The following PCDH15 variants were observed in gnomAD, a reference collection of about 807,000 sequenced individuals.
The protein encoded by PCDH15 is protocadherin related 15.
Under a neutral mutation model 178.5 loss-of-function variants are expected in PCDH15, and 129 were observed. The ratio of observed to expected loss-of-function variants is 0.72; its 90% confidence interval spans 0.63 to 0.84. The LOEUF (loss-of-function observed/expected upper bound fraction) is 0.84, where lower values mean the gene tolerates loss of function less well. Among genes scored for constraint, PCDH15 ranks in the 40% least tolerant of loss-of-function variants. PCDH15 has a pLI of 0.00. For synonymous variants in PCDH15, 800 were observed against 732.0 expected (o/e 1.09, Z -1.50); for missense variants, 2,230 against 2,099.9 (o/e 1.06, Z -1.21).
At chr10:54,738,952 C>T (rs10825389) in intron 1 of PCDH15, among the ~76,000 whole-genome samples, 53,221 of 151,810 alleles carry the variant, frequency 0.35, 9,683 homozygotes, top group Middle Eastern at 0.46. Context: ...CCACAGCTAA[C>T]ATAATACTGA....
intron 2 of PCDH15, among the ~76,000 whole-genome samples, chr10:55,516,964 G>C (rs1050854467): frequency 6.6e-6 from 1 of 151,936 alleles, no homozygotes; most frequent in Non-Finnish European, 1.5e-5. Context: ...ACACTAAAAA[G>C]TTAATGATTT....
chr10:55,503,832 G>C (rs1370218066), intron 2 of PCDH15, among the ~76,000 whole-genome samples: 1 of 151,314 alleles, frequency 6.6e-6, no homozygotes, highest in Non-Finnish European at 1.5e-5. Flanking sequence ...AGCCATGTTG[G>C]AGATTCTCTG....
At chr10:55,038,800 A>G (rs1840798096) in intron 2 of PCDH15, among the ~76,000 whole-genome samples, 1 of 152,188 alleles carries the variant, frequency 6.6e-6, no homozygotes, top group Non-Finnish European at 1.5e-5. Flanking sequence ...CAAGGCTGGA[A>G]GCAGGAATTA....
In PCDH15 at chr10:55,030,305, TCATA is replaced by T. The variant is rs752280333; in HGVS notation, c.-79-132809_-79-132806del. Among the ~76,000 whole-genome samples, 65 of 152,302 alleles carry T rather than the reference TCATA, an allele frequency of 4.3e-4. No homozygotes were observed. The Middle Eastern group carries it at 0.01, about 24-fold the overall frequency. ...TAACACATGCCAGAGGGCTGAGGAA[TCATA>T]CAGAGAGCACGAGTCTCAGTTTCCT... On this transcript the variant is annotated intron_variant, in intron 2 of 5. Transcript: ENST00000458638.
At chr10:55,244,830 C>A (rs1841644335) in intron 1 of PCDH15, among the ~76,000 whole-genome samples, 1 of 151,160 alleles carries the variant, frequency 6.6e-6, no homozygotes, top group Non-Finnish European at 1.5e-5. Context: ...GCAGCCATTT[C>A]ATTGAAAAAG....
At position 55,429,762 on chromosome 10, in the gene PCDH15, AG is replaced by A. The variant is rs1382331545; in HGVS notation, c.-156+197862del. On this transcript the variant is annotated intron_variant, in intron 2 of 5. Transcript: ENST00000613346. ...TAGCTACAGTTTAATATGAAACATT[AG>A]GAACTTGGACTGTTAACACTTTTAG... Among the ~76,000 whole-genome samples, 9 of 152,172 alleles carry A rather than the reference AG, an allele frequency of 5.9e-5. 1 individual carries two copies. Among genetic ancestry groups the A allele is most frequent in the Non-Finnish European group, 1.3e-4 (9 of 68,006 alleles).
intron 2 of PCDH15, among the ~76,000 whole-genome samples, chr10:55,138,169 G>A (rs1455401096): frequency 6.6e-6 from 1 of 152,076 alleles, no homozygotes; most frequent in Non-Finnish European, 1.5e-5. Flanking sequence ...AAACATATAA[G>A]ACAATCAGTT....
chr10:53,891,186 C>G (rs2133482387), intron 26 of PCDH15, among the ~76,000 whole-genome samples: 1 of 152,234 alleles, frequency 6.6e-6, no homozygotes, highest in East Asian at 1.9e-4. Context: ...CATCTTCAGA[C>G]AAAAGTAATT....
At chr10:54,882,596 T>C (rs1954284002) in intron 3 of PCDH15, among the ~76,000 whole-genome samples, 1 of 152,102 alleles carries the variant, frequency 6.6e-6, no homozygotes, top group Non-Finnish European at 1.5e-5. Context: ...TTCTTTCTAA[T>C]AATATGTTAT....
At chr10:55,313,423 A>G (rs1197867770) in intron 1 of PCDH15, among the ~76,000 whole-genome samples, 8 of 152,204 alleles carry the variant, frequency 5.3e-5, no homozygotes, top group Non-Finnish European at 1.5e-5. Flanking sequence ...TAAAAGTGCA[A>G]CTGTGGAGAA....
chr10:54,946,312 A>G (rs1838199161), intron 2 of PCDH15, among the ~76,000 whole-genome samples: 1 of 151,692 alleles, frequency 6.6e-6, no homozygotes, highest in Non-Finnish European at 1.5e-5. Context: ...ACATTTTATT[A>G]TCTGCTCATT....
intron 2 of PCDH15, among the ~76,000 whole-genome samples, chr10:54,982,631 C>G (rs1282360105): frequency 1.3e-5 from 2 of 151,998 alleles, no homozygotes; most frequent in Non-Finnish European, 2.9e-5. Flanking sequence ...ATGATAAATA[C>G]ATTACACAAA....
At chr10:54,515,990 C>T (rs1041716331) in intron 3 of PCDH15, among the ~76,000 whole-genome samples, 1 of 152,178 alleles carries the variant, frequency 6.6e-6, no homozygotes, top group Non-Finnish European at 1.5e-5. Context: ...ACCAAAAATC[C>T]ATCCGTACAT....
intron 27 of PCDH15, among the ~76,000 whole-genome samples, chr10:53,864,083 G>C (rs1331558036): frequency 6.6e-6 from 1 of 152,136 alleles, no homozygotes; most frequent in East Asian, 1.9e-4. Context: ...CAAAGCAAAA[G>C]CTCATTTGGA....
intron 2 of PCDH15, among the ~76,000 whole-genome samples, chr10:55,480,043 A>G (rs1306120656): frequency 6.6e-6 from 1 of 151,572 alleles, no homozygotes; most frequent in Non-Finnish European, 1.5e-5. Context: ...AAGAATGTCA[A>G]TGGTAGTTTA....
chr10:54,062,227 CAAAAAAAAAA>C (rs72361686), intron 18 of PCDH15, among the ~76,000 whole-genome samples: 567 of 53,862 alleles, frequency 0.011, 35 homozygotes, highest in Non-Finnish European at 0.012. Flanking sequence ...GATTCTGTCT[CAAAAAAAAAA>C]AAAAAAAAAA....
At chr10:54,453,218 C>T (rs571872807) in intron 3 of PCDH15, among the ~76,000 whole-genome samples, 132 of 152,174 alleles carry the variant, frequency 8.7e-4, no homozygotes, top group African/African-American at 1.9e-3. Flanking sequence ...ATGTTTATCA[C>T]GGCACTATTC....
chr10:55,331,983 A>G (rs149538055), intron 2 of PCDH15, among the ~76,000 whole-genome samples: 46 of 152,278 alleles, frequency 3.0e-4, no homozygotes, highest in African/African-American at 9.4e-4. Context: ...TAGGAGATGT[A>G]CATCAAAACT....
intron 7 of PCDH15, among the ~76,000 whole-genome samples, chr10:54,326,490 G>A (rs1938132780): frequency 6.6e-6 from 1 of 152,018 alleles, no homozygotes; most frequent in African/African-American, 2.4e-5. Context: ...ATATAATACT[G>A]TAATAATGTC....
Sources: allele counts gnomAD v4.1 joint callset (sites outside exome capture counted in the v4.1 genomes callset), GRCh38; gene constraint gnomAD v4.1.1; transcripts MANE v1.5; gene names NCBI Gene and HGNC (gene_info 2026-07-23, HGNC 2026-07-21).